CREBBP: variants seen among roughly 807,000 people sequenced by gnomAD.
CREBBP encodes CREB binding lysine acetyltransferase.
In CREBBP, 19 loss-of-function variants were observed where a neutral mutation model predicts 265.0. The observed-to-expected ratio is 0.07, with a 90% CI of 0.05 to 0.11. The LOEUF (loss-of-function observed/expected upper bound fraction) is 0.11. Among genes scored for constraint, CREBBP ranks in the 10% least tolerant of loss-of-function variants. The pLI, the probability that CREBBP is intolerant of heterozygous loss-of-function variation, is 1.00. For missense variants in CREBBP, 2,525 were observed against 3,219.0 expected (o/e 0.78, Z 5.22); for synonymous variants, 1,457 against 1,223.7 (o/e 1.19, Z -3.98).
At chr16:3,844,372 C>CAGATA (rs1354110461) in intron 2 of CREBBP, among the ~76,000 whole-genome samples, 1 of 152,048 alleles carries the variant, frequency 6.6e-6, no homozygotes, top group African/African-American at 2.4e-5. Flanking sequence ...AAAACCTACA[C>CAGATA]AGATAATCTG....
At chr16:3,798,688 G>C (rs892522230) in intron 3 of CREBBP, among the ~76,000 whole-genome samples, 2 of 152,168 alleles carry the variant, frequency 1.3e-5, no homozygotes, top group African/African-American at 4.8e-5. Flanking sequence ...ATAGCAACAG[G>C]GTGGCCAGGA....
intron 28 of CREBBP, among the ~76,000 whole-genome samples, chr16:3,732,440 C>G (rs1416658781): frequency 1.3e-5 from 2 of 152,222 alleles, no homozygotes; most frequent in Admixed American, 1.3e-4. Context: ...GGAGAGCAGG[C>G]TGGCTCCCTG....
chr16:3,826,694 A>C (rs1597011735), intron 2 of CREBBP, among the ~76,000 whole-genome samples: 1 of 152,216 alleles, frequency 6.6e-6, no homozygotes, highest in East Asian at 1.9e-4. Flanking sequence ...AAGGTCATTA[A>C]AAACCAAGGA....
chr16:3,736,949 G>C, intron 26 of CREBBP, 134 bp from the exon 27 acceptor site: 1 of 1,133,840 alleles, frequency 8.8e-7, no homozygotes, highest in Non-Finnish European at 1.3e-6. Context: ...TGCCCACAAA[G>C]CTGGGTGTGG....
chr16:3,852,153 A>ATTTTTTTTTTTTTT lies in CREBBP; in HGVS notation c.86-1145_86-1144insAAAAAAAAAAAAAA, dbSNP rs1279166656. On this transcript the variant is annotated intron_variant, in intron 1 of 30. Coordinates refer to ENST00000262367, the MANE Select transcript of CREBBP (RefSeq NM_004380.3). ...TTGAGGACAGTAAAGCCAATCTTAA[A>ATTTTTTTTTTTTTT]TTTGTTTTTTTTTTTTTTTTTTTTT... 1.9e-5 allele frequency among the ~76,000 whole-genome samples: 2 copies of ATTTTTTTTTTTTTT among 105,834 alleles called. 1 individual carries two copies. The highest frequency in any genetic ancestry group is 7.3e-5 in the African/African-American group (2 of 27,404). The allele number at this position is 105,834 out of a possible 152,430, so 69.4% of individuals were successfully genotyped here.
intron 2 of CREBBP, among the ~76,000 whole-genome samples, chr16:3,849,422 T>TGTGTG (rs2054745612): frequency 2.8e-4 from 2 of 7,078 alleles, no homozygotes; most frequent in African/African-American, 3.4e-4. Context: ...TGTGTGTGTG[T>TGTGTG]GTGTGTGTGT....
chr16:3,728,631 A>G lies in CREBBP; in HGVS notation c.6416T>C (p.Leu2139Pro). ...AGCCTGCATGGCATTCAGGTTCTGC[A>G]GGCTGGGCTGCTGGTGCATGCCAGG... ...PQPGMHQQPS[L>P]QNLNAMQAGV... The change falls in exon 31 of 31, where the codon CTG (leucine) becomes CCG (proline). Residue 2139 changes from leucine to proline, a missense_variant. By Grantham distance (98) the Leu-to-Pro change is moderately conservative (BLOSUM62 -3). This residue lies in a region of CREBBP where 473 missense variants were observed against 459.3 expected (regional missense o/e 1.03). Coordinates refer to ENST00000262367, the MANE Select transcript of CREBBP (RefSeq NM_004380.3). The surrounding 1 kb of genome is among the most constrained non-coding windows in gnomAD (Gnocchi z 8.7). 1 of 1,613,516 alleles carries G rather than the reference A, an allele frequency of 6.2e-7. No individual in the cohort carries two copies. The highest frequency in any genetic ancestry group is 1.3e-5 in the African/African-American group (1 of 74,968).
Position 3,850,364 on chromosome 16 carries a change from G to T in CREBBP, c.731C>A (p.Thr244Lys). 1 of 1,614,234 alleles carries T rather than the reference G, an allele frequency of 6.2e-7. No homozygotes were observed. Among genetic ancestry groups the T allele is most frequent in the Non-Finnish European group, 8.5e-7 (1 of 1,180,046 alleles). Residue 244 changes from threonine (T) to lysine (K), a missense_variant, in exon 2 of 31, where the codon ACG (threonine) becomes AAG (lysine). Physicochemically the swap from Thr to Lys is moderately conservative, Grantham distance 78. This residue lies in a region of CREBBP where 356 missense variants were observed against 340.4 expected (regional missense o/e 1.05). Transcript: ENST00000262367. The stretch of plus-strand genomic sequence containing the variant: ...ACCAGTCATTTGCGGGGAAACCTGC[G>T]TTAGGGTCTCAGCCAGCACGCTGCT... Reference protein sequence around the residue: ...ASSSVLAETLTQVSPQMTGHA... With the variant: ...ASSSVLAETLKQVSPQMTGHA...
intron 5 of CREBBP, among the ~76,000 whole-genome samples, chr16:3,785,622 A>G (rs758496439): frequency 2.6e-5 from 4 of 152,232 alleles, no homozygotes; most frequent in Non-Finnish European, 4.4e-5. Context: ...CTCGCAGCGC[A>G]GCCCATGGAG....
chr16:3,745,210 G>A (rs962919563), intron 22 of CREBBP, 67 bp downstream of exon 22: 4 of 1,364,700 alleles, frequency 2.9e-6, no homozygotes, highest in African/African-American at 2.9e-5. Flanking sequence ...AGATGCAGTA[G>A]CCACTGCAAC....
At chr16:3,759,454 G>A (rs2052659907) in intron 16 of CREBBP, among the ~76,000 whole-genome samples, 3 of 151,896 alleles carry the variant, frequency 2.0e-5, no homozygotes, top group African/African-American at 4.8e-5. Context: ...GGTGTGTGTC[G>A]GGGGTTCCTA....
intron 3 of CREBBP, among the ~76,000 whole-genome samples, chr16:3,800,147 G>A (rs2053683719): frequency 6.6e-6 from 1 of 152,134 alleles, no homozygotes; most frequent in African/African-American, 2.4e-5. Flanking sequence ...TGGAGACAGG[G>A]TCTCACTGCT....
intron 16 of CREBBP, among the ~76,000 whole-genome samples, chr16:3,765,178 G>A (rs1050534586): frequency 1.3e-5 from 2 of 152,122 alleles, no homozygotes; most frequent in Non-Finnish European, 2.9e-5. Flanking sequence ...GGGTTTCACC[G>A]TATTAGCCAG....
chr16:3,751,130 A>G (rs1328278641), intron 20 of CREBBP, among the ~76,000 whole-genome samples: 3 of 152,188 alleles, frequency 2.0e-5, no homozygotes, highest in Non-Finnish European at 1.5e-5. Flanking sequence ...ATTATTTTAG[A>G]AAAAAAGACA....
intron 16 of CREBBP, among the ~76,000 whole-genome samples, chr16:3,763,014 T>A (rs2052760558): frequency 6.6e-6 from 1 of 151,162 alleles, no homozygotes; most frequent in Admixed American, 6.6e-5. Context: ...GACCTCGTGA[T>A]CCGCCCGCCT....
Position 3,781,187 on chromosome 16 carries a change from C to A in CREBBP, c.1676+17G>T, listed in dbSNP as rs2141246928. ...GCTCCTGTTGGACTGTCACTCAGAT[C>A]TGAAACAGGGTCTTACTTTGTGGCC... On this transcript the variant is annotated intron_variant, in intron 7 of 30. Coordinates refer to ENST00000262367, the MANE Select transcript of CREBBP (RefSeq NM_004380.3). 3 of 1,606,044 alleles carry A rather than the reference C, an allele frequency of 1.9e-6. No homozygotes were observed. The highest frequency in any genetic ancestry group is 2.6e-6 in the Non-Finnish European group (3 of 1,172,774).
intron 2 of CREBBP, among the ~76,000 whole-genome samples, chr16:3,849,277 G>C (rs1159269430): frequency 2.0e-5 from 3 of 151,984 alleles, no homozygotes; most frequent in African/African-American, 7.3e-5. Context: ...CCAGGCATCT[G>C]CCTTCCCCCT....
intron 19 of CREBBP, among the ~76,000 whole-genome samples, chr16:3,754,077 T>C (rs1468097259): frequency 6.6e-6 from 1 of 152,094 alleles, no homozygotes; most frequent in Non-Finnish European, 1.5e-5. Flanking sequence ...GCTCTTCCTG[T>C]ATGACTGACT....
chr16:3,859,517 C>T (rs963706546), intron 1 of CREBBP, among the ~76,000 whole-genome samples: 1 of 152,020 alleles, frequency 6.6e-6, no homozygotes, highest in Non-Finnish European at 1.5e-5. Flanking sequence ...CGTATGCTCA[C>T]GAATTGACTG....
Sources: gnomAD v4.1 joint callset for allele counts (sites outside exome capture counted in the v4.1 genomes callset) on GRCh38, gnomAD v4.1.1 for gene constraint, gnomAD v4.1.1 regional missense constraint, Gnocchi (gnomAD v3.1) non-coding constraint, MANE v1.5 for transcripts, NCBI Gene and HGNC (gene_info 2026-07-23, HGNC 2026-07-21) for gene names.